Variants in ST6GALNAC3 observed in about 807,000 individuals in gnomAD.
ST6GALNAC3 encodes the protein ST6 N-acetylgalactosaminide alpha-2,6-sialyltransferase 3.
ST6GALNAC3 carries 25 observed loss-of-function variants against 32.7 expected under a neutral mutation model. The ratio of observed to expected loss-of-function variants is 0.76; its 90% CI spans 0.56 to 1.07. The LOEUF (loss-of-function observed/expected upper bound fraction) is 1.07. Among genes scored for constraint, ST6GALNAC3 ranks in the 50% least tolerant of loss-of-function variants. The pLI is 0.00. For synonymous variants in ST6GALNAC3, 129 were observed against 133.1 expected (o/e 0.97, Z 0.21); for missense variants, 355 against 382.4 (o/e 0.93, Z 0.60).
chr1:76,112,783 G>T lies in ST6GALNAC3; in HGVS notation c.18+37899G>T, dbSNP rs528516081. Reference sequence around the variant, plus strand: ...GCTCCCCACATCTCAGACGATGGGCGGCCGGGCAGAGATGCTCCTCACTTC... The same window carrying T: ...GCTCCCCACATCTCAGACGATGGGCTGCCGGGCAGAGATGCTCCTCACTTC... On this transcript the variant is annotated intron_variant, in intron 1 of 4. Transcript: ENST00000328299. Among the ~76,000 whole-genome samples, 148 of 151,942 alleles carry T rather than the reference G, an allele frequency of 9.7e-4. 1 individual carries two copies. Among genetic ancestry groups the T allele is most frequent in the South Asian group, 6.7e-3 (32 of 4,806 alleles).
intron 1 of ST6GALNAC3, among the ~76,000 whole-genome samples, chr1:76,237,520 C>A (rs1474608975): frequency 6.6e-6 from 1 of 152,132 alleles, no homozygotes; most frequent in African/African-American, 2.4e-5. Flanking sequence ...TTGACATATA[C>A]TTCCCTATAT....
chr1:76,312,163 AAAC>A (rs1174405714), intron 1 of ST6GALNAC3, among the ~76,000 whole-genome samples: 4 of 50,824 alleles, frequency 7.9e-5, no homozygotes, highest in Non-Finnish European at 1.9e-4. Flanking sequence ...AACCTGACAA[AAAC>A]AAACAATGGG....
At chr1:76,540,549 G>T (rs1663928217) in intron 3 of ST6GALNAC3, among the ~76,000 whole-genome samples, 1 of 152,116 alleles carries the variant, frequency 6.6e-6, no homozygotes, top group Admixed American at 6.5e-5. Flanking sequence ...GAGTACCATA[G>T]TCTTCTATTA....
intron 1 of ST6GALNAC3, among the ~76,000 whole-genome samples, chr1:76,166,392 G>T (rs1277243589): frequency 6.6e-6 from 1 of 152,094 alleles, no homozygotes; most frequent in Non-Finnish European, 1.5e-5. Flanking sequence ...ATGCTGTTTG[G>T]TTACTGTAGC....
Position 76,633,687 on chromosome 1 carries a change from G to A in ST6GALNAC3, c.*4881G>A, listed in dbSNP as rs1649406273. 1 of 152,110 alleles carries A rather than the reference G, an allele frequency of 6.6e-6. No individual in the cohort carries two copies. The highest frequency in any genetic ancestry group is 2.4e-5 in the African/African-American group (1 of 41,406). The allele number at this position is 152,110 out of a possible 1,614,324, so 9.4% of individuals were successfully genotyped here. A position where few individuals can be genotyped will look rare whatever the true frequency, so the allele number is the denominator to read the frequency against. Reference sequence around the variant, plus strand: ...CCATCAGCACTAACACCACCCTTTGGGTTCATGCTCATCCCTGCACTCCAT... The same window carrying A: ...CCATCAGCACTAACACCACCCTTTGAGTTCATGCTCATCCCTGCACTCCAT... On this transcript the variant is annotated 3_prime_UTR_variant, in exon 5 of 5. Coordinates refer to ENST00000328299, the MANE Select transcript of ST6GALNAC3 (RefSeq NM_152996.4).
intron 3 of ST6GALNAC3, among the ~76,000 whole-genome samples, chr1:76,532,393 G>A (rs961313834): frequency 2.0e-5 from 3 of 152,186 alleles, no homozygotes; most frequent in South Asian, 2.1e-4. Context: ...ATGCCACTAC[G>A]GACCTTAGGA....
chr1:76,569,671 C>A (rs1269547874), intron 3 of ST6GALNAC3, among the ~76,000 whole-genome samples: 1 of 152,044 alleles, frequency 6.6e-6, no homozygotes, highest in Non-Finnish European at 1.5e-5. Flanking sequence ...CGTAGGACAG[C>A]ATTTCGGGAA....
chr1:76,266,647 G>A (rs567220755), intron 1 of ST6GALNAC3, among the ~76,000 whole-genome samples: 1 of 152,282 alleles, frequency 6.6e-6, no homozygotes, highest in South Asian at 2.1e-4. Context: ...TGGCTTAGTA[G>A]GTGCTAACTC....
chr1:76,122,141 C>T (rs1358486961), intron 1 of ST6GALNAC3, among the ~76,000 whole-genome samples: 1 of 152,172 alleles, frequency 6.6e-6, no homozygotes, highest in African/African-American at 2.4e-5. Context: ...ACCTTTCTCC[C>T]TCAGAGGGTA....
intron 3 of ST6GALNAC3, among the ~76,000 whole-genome samples, chr1:76,620,720 A>G (rs1648582146): frequency 6.6e-6 from 1 of 152,036 alleles, no homozygotes; most frequent in Non-Finnish European, 1.5e-5. Context: ...ATCACCAAAT[A>G]CAAAATACCA....
At chr1:76,230,031 G>T (rs1170561026) in intron 1 of ST6GALNAC3, among the ~76,000 whole-genome samples, 1 of 152,162 alleles carries the variant, frequency 6.6e-6, no homozygotes, top group Non-Finnish European at 1.5e-5. Context: ...GGTCACTGAA[G>T]GGCTAGCACT....
At chr1:76,318,985 C>CT (rs1161965421) in intron 2 of ST6GALNAC3, among the ~76,000 whole-genome samples, 1 of 152,052 alleles carries the variant, frequency 6.6e-6, no homozygotes. Flanking sequence ...ATTGTGTTGT[C>CT]TTTTTTGTTG....
intron 3 of ST6GALNAC3, among the ~76,000 whole-genome samples, chr1:76,470,171 A>C (rs1343833242): frequency 6.6e-6 from 1 of 152,004 alleles, no homozygotes; most frequent in Non-Finnish European, 1.5e-5. Context: ...TTTTTCCTGA[A>C]TTTTCTTTCT....
chr1:76,546,026 T>C (rs922560019), intron 3 of ST6GALNAC3, among the ~76,000 whole-genome samples: 11 of 152,326 alleles, frequency 7.2e-5, no homozygotes, highest in African/African-American at 2.6e-4. Context: ...CATTTCATTA[T>C]TGTTTCTACA....
At chr1:76,393,837 G>C (rs1652745661) in intron 2 of ST6GALNAC3, among the ~76,000 whole-genome samples, 1 of 152,156 alleles carries the variant, frequency 6.6e-6, no homozygotes. Context: ...TTAGTGCGCT[G>C]AAGGAGTGAT....
rs149232530 is a variant in ST6GALNAC3, at chr1:76,498,318, A to G, written c.623+85901A>G. 2.5e-4 allele frequency among the ~76,000 whole-genome samples: 38 copies of G among 152,232 alleles called. No homozygotes were observed. In the East Asian group the frequency reaches 7.1e-3, roughly 29 times the overall value. ...CATCACCAGTTTGCTCTTTCTTTTT[A>G]TCCTCAATTGATTAGATTCCCTAGG... On this transcript the variant is annotated intron_variant, in intron 3 of 4. Transcript: ENST00000328299.
chr1:76,170,398 G>T (rs919678728), intron 1 of ST6GALNAC3, among the ~76,000 whole-genome samples: 4 of 152,192 alleles, frequency 2.6e-5, no homozygotes, highest in Non-Finnish European at 5.9e-5. Flanking sequence ...GCAGATGCAG[G>T]CCTGGGTGCC....
rs568032561 is a variant in ST6GALNAC3 at position 76,151,605 on chromosome 1, G to A, written c.18+76721G>A. On this transcript the variant is annotated intron_variant, in intron 1 of 4. Coordinates refer to ENST00000328299, the MANE Select transcript of ST6GALNAC3 (RefSeq NM_152996.4). Reference sequence around the variant, plus strand: ...CATCACTGTGGACAGCTGCAGCTCAGTTCCACTGGGAACGTCTGGGAAAGA... The same window carrying A: ...CATCACTGTGGACAGCTGCAGCTCAATTCCACTGGGAACGTCTGGGAAAGA... 8.5e-5 allele frequency among the ~76,000 whole-genome samples: 13 copies of A among 152,324 alleles called. No individual in the cohort carries two copies. In the South Asian group the frequency reaches 2.7e-3, roughly 32 times the overall value.
At chr1:76,159,852 AC>A (rs1297450688) in intron 1 of ST6GALNAC3, among the ~76,000 whole-genome samples, 26 of 152,114 alleles carry the variant, frequency 1.7e-4, no homozygotes, top group Non-Finnish European at 4.4e-5. Context: ...TTCCCCATCA[AC>A]CCTACAAAGG....
Sources: gnomAD v4.1 joint callset for allele counts (sites outside exome capture counted in the v4.1 genomes callset) on GRCh38, gnomAD v4.1.1 for gene constraint, MANE v1.5 for transcripts, NCBI Gene and HGNC (gene_info 2026-07-23, HGNC 2026-07-21) for gene names.